THEM4: variants seen among roughly 807,000 people sequenced by gnomAD.
The protein encoded by THEM4 is acyl-coenzyme A thioesterase THEM4.
THEM4 carries 22 observed loss-of-function variants against 25.0 expected under a neutral mutation model. The observed-to-expected ratio is 0.88, with a 90% CI of 0.63 to 1.26. The LOEUF (loss-of-function observed/expected upper bound fraction) is 1.26. THEM4 is among the 50% of genes most tolerant of loss of function. THEM4 has a pLI of 0.00. For synonymous variants in THEM4, 113 were observed against 105.6 expected (o/e 1.07, Z -0.43); for missense variants, 286 against 300.3 (o/e 0.95, Z 0.35).
rs200282644 is a variant in THEM4, at chr1:151,888,301, T to C, written c.529A>G (p.Thr177Ala). 1.2e-6 allele frequency: 2 copies of C among 1,613,462 alleles called. No individual in the cohort carries two copies. The highest frequency in any genetic ancestry group is 1.3e-5 in the African/African-American group (1 of 75,040). ...CAMMAGGIVMTANLNINYKRP... is the reference protein window; with the variant it reads ...CAMMAGGIVMAANLNINYKRP... ...TTATAATTGATGTTGAGATTGGCAGTCATGACGATTCCCCCAGCCATCATT... is the reference window on the plus strand; with the variant it reads ...TTATAATTGATGTTGAGATTGGCAGCCATGACGATTCCCCCAGCCATCATT... The change falls in exon 4 of 6, where the codon ACT becomes GCT. Residue 177 changes from threonine to alanine, a missense_variant. Coordinates refer to ENST00000368814, the MANE Select transcript of THEM4 (RefSeq NM_053055.5).
intron 1 of THEM4, among the ~76,000 whole-genome samples, chr1:151,908,009 C>G (rs558892921): frequency 2.0e-4 from 31 of 152,358 alleles, no homozygotes; most frequent in Middle Eastern, 3.4e-3. Context: ...GCAGTCTCCC[C>G]CTCCCCATTC....
intron 2 of THEM4, chr1:151,890,115 A>G (rs905201702): frequency 9.5e-6 from 4 of 423,210 alleles, no homozygotes; most frequent in African/African-American, 4.1e-5. Flanking sequence ...CGTGTTGGTC[A>G]GGCTGGTCTT....
rs535758402 is a variant in THEM4 at position 151,893,846 on chromosome 1, G to A, written c.286+1162C>T. Among the ~76,000 whole-genome samples the A allele has an allele frequency of 2.7e-3, 414 of 151,816 alleles. 2 individuals carry two copies. The highest frequency in any genetic ancestry group is 9.8e-3 in the African/African-American group (405 of 41,394). ...GTATGGTTGTTGGGCAATATTGAGA[G>A]CCTTCTTTTTCTCTTTTTTTTTTTG... On this transcript the variant is annotated intron_variant, in intron 2 of 5. Transcript: ENST00000368814.
intron 2 of THEM4, among the ~76,000 whole-genome samples, chr1:151,893,871 G>A (rs941663652): frequency 1.4e-5 from 2 of 147,724 alleles, no homozygotes; most frequent in Non-Finnish European, 3.0e-5. Flanking sequence ...TTTTTTTTTT[G>A]TAGGGGGGGA....
At chr1:151,893,628 C>G (rs1332550157) in intron 2 of THEM4, among the ~76,000 whole-genome samples, 3 of 151,946 alleles carry the variant, frequency 2.0e-5, no homozygotes, top group African/African-American at 7.2e-5. Flanking sequence ...GGCACAGATG[C>G]AGGGGGGAGG....
chr1:151,900,064 T>C (rs557381966), intron 1 of THEM4, among the ~76,000 whole-genome samples: 2 of 152,298 alleles, frequency 1.3e-5, no homozygotes, highest in African/African-American at 2.4e-5. Flanking sequence ...CTAAGTATCA[T>C]ATATGAACGA....
chr1:151,898,227 C>A (rs1558193613), intron 1 of THEM4, among the ~76,000 whole-genome samples: 2 of 151,962 alleles, frequency 1.3e-5, no homozygotes, highest in Non-Finnish European at 2.9e-5. Flanking sequence ...CACCTGGAAA[C>A]AGACACGGGG....
chr1:151,887,549 A>G (rs1233716324), intron 4 of THEM4, among the ~76,000 whole-genome samples: 1 of 152,182 alleles, frequency 6.6e-6, no homozygotes, highest in East Asian at 1.9e-4. Context: ...CAAAACATTG[A>G]TGAAAAAAAT....
intron 1 of THEM4, among the ~76,000 whole-genome samples, chr1:151,907,680 CA>C (rs1484599804): frequency 1.3e-5 from 2 of 152,208 alleles, no homozygotes; most frequent in Non-Finnish European, 2.9e-5. Context: ...AATGGGGACT[CA>C]AAACCTCTCA....
intron 4 of THEM4, among the ~76,000 whole-genome samples, chr1:151,877,689 C>A (rs1216143901): frequency 3.3e-5 from 5 of 152,170 alleles, no homozygotes; most frequent in African/African-American, 1.2e-4. Flanking sequence ...CTGGTAGCCA[C>A]ATGTGCCTAA....
Position 151,889,487 on chromosome 1 carries a change from T to C in THEM4, c.287-114A>G. ...CATGTCAATAGATGATTGATTCAAA[T>C]GTCCACAGGGTGCAAAATTGAAAGG... On this transcript the variant is annotated intron_variant, in intron 2 of 5. Coordinates refer to ENST00000368814, the MANE Select transcript of THEM4 (RefSeq NM_053055.5). The C allele has an allele frequency of 5.4e-6, 6 of 1,107,246 alleles. No individual in the cohort carries two copies. The South Asian group carries it at 8.6e-5, about 16-fold the overall frequency. The allele number at this position is 1,107,246 out of a possible 1,614,324, so 68.6% of individuals were successfully genotyped here.
chr1:151,909,208 G>C, intron 1 of THEM4, 152 bp downstream of exon 1: 1 of 576,696 alleles, frequency 1.7e-6, no homozygotes, highest in Admixed American at 3.8e-5. Context: ...GTATTCCTAG[G>C]CCCCTGTTGC....
At chr1:151,882,684 G>A (rs918657178) in intron 4 of THEM4, among the ~76,000 whole-genome samples, 4 of 152,106 alleles carry the variant, frequency 2.6e-5, no homozygotes, top group African/African-American at 4.8e-5. Flanking sequence ...TCTCAACACC[G>A]CACTAGAACA....
chr1:151,904,092 G>A (rs927108459), intron 1 of THEM4, among the ~76,000 whole-genome samples: 8 of 152,222 alleles, frequency 5.3e-5, no homozygotes, highest in Admixed American at 3.3e-4. Flanking sequence ...GATTTCCTAC[G>A]GATAAAAAGT....
Position 151,889,301 on chromosome 1 carries a change from C to A in THEM4, c.359G>T (p.Gly120Val), listed in dbSNP as rs199784471. Residue 120 changes from glycine to valine, a missense_variant, in exon 3 of 6, where the codon GGC becomes GTC. By Grantham distance (109) the Gly-to-Val change is moderately radical (BLOSUM62 -3). Coordinates refer to ENST00000368814, the MANE Select transcript of THEM4 (RefSeq NM_053055.5). ...ATTGTAGAACATCACGTATTCAAAG[C>A]CCAGGCCATCATCAAAGCTTCTGGT... is the stretch of plus-strand genomic sequence containing the variant. ...LFTRSFDDGL[G>V]FEYVMFYNDI... 2 of 1,614,004 alleles carry A rather than the reference C, an allele frequency of 1.2e-6. No homozygotes were observed. The highest frequency in any genetic ancestry group is 2.7e-5 in the African/African-American group (2 of 75,034).
rs1316561951 is a variant in THEM4 at position 151,874,940 on chromosome 1, A to C, written c.683-12T>G. The C allele has an allele frequency of 6.2e-7, 1 of 1,608,698 alleles. No homozygotes were observed. Among genetic ancestry groups the C allele is most frequent in the Admixed American group, 1.7e-5 (1 of 60,010 alleles). ...CTTTATAAATAAGCCTAAACAAACA[A>C]AATAACAGCAGATGATTATATGTCA... On this transcript the variant is annotated splice_polypyrimidine_tract_variant and intron_variant, in intron 5 of 5. Coordinates refer to ENST00000368814, the MANE Select transcript of THEM4 (RefSeq NM_053055.5).
At chr1:151,891,185 T>G (rs1347422297) in intron 2 of THEM4, 1 of 152,242 alleles carries the variant, frequency 6.6e-6, no homozygotes, top group East Asian at 1.9e-4. Context: ...ACAAGATTCC[T>G]AGGTGCTTCA....
chr1:151,886,035 T>C (rs951389124), intron 4 of THEM4, among the ~76,000 whole-genome samples: 13 of 152,208 alleles, frequency 8.5e-5, no homozygotes, highest in Non-Finnish European at 2.9e-5. Context: ...GTGATAAATA[T>C]TAAATTCTAA....
In THEM4 at chr1:151,906,248, C is replaced by T. The variant is rs181876955; in HGVS notation, c.99+3112G>A. 3.0e-3 allele frequency among the ~76,000 whole-genome samples: 459 copies of T among 152,376 alleles called. 1 individual carries two copies. Among genetic ancestry groups the T allele is most frequent in the African/African-American group, 0.01 (431 of 41,594 alleles). On this transcript the variant is annotated intron_variant, in intron 1 of 5. Coordinates refer to ENST00000368814, the MANE Select transcript of THEM4 (RefSeq NM_053055.5). The stretch of plus-strand genomic sequence containing the variant: ...ACTCGGAGCAGCCAGCCGGCCCTGC[C>T]GGCCCCACGCAATGAGGGGCTTAGC...
Sources: gnomAD v4.1 joint callset for allele counts (sites outside exome capture counted in the v4.1 genomes callset) on GRCh38, gnomAD v4.1.1 for gene constraint, MANE v1.5 for transcripts, NCBI Gene and HGNC (gene_info 2026-07-23, HGNC 2026-07-21) for gene names.